Variants in ACER3 observed in about 807,000 individuals in gnomAD.
ACER3 encodes the protein alkCDase 3.
ACER3 carries 16 observed loss-of-function variants against 48.9 expected under a neutral mutation model. The ratio of observed to expected loss-of-function variants is 0.33; its 90% CI spans 0.22 to 0.50. The LOEUF is 0.50. Ranked by LOEUF, ACER3 falls within the 20% of genes least tolerant of loss-of-function variation. ACER3 has a pLI of 0.98. For missense variants in ACER3, 227 were observed against 326.0 expected, an observed-to-expected ratio of 0.70 and a Z score of 2.34; for synonymous variants, 109 against 107.8, an observed-to-expected ratio of 1.01 and a Z score of -0.07.
chr11:76,937,951 G>A (rs1411977322), intron 2 of ACER3, among the ~76,000 whole-genome samples: 1 of 152,156 alleles, frequency 6.6e-6, no homozygotes, highest in African/African-American at 2.4e-5. Context: ...AGTGGTATGG[G>A]TATAGCAATT....
At chr11:76,938,803 C>T (rs935085175) in intron 2 of ACER3, among the ~76,000 whole-genome samples, 8 of 152,048 alleles carry the variant, frequency 5.3e-5, no homozygotes, top group African/African-American at 1.4e-4. Flanking sequence ...GGAGCAATGA[C>T]GGCTTAGTAG....
intron 6 of ACER3, among the ~76,000 whole-genome samples, chr11:76,997,481 A>G (rs3781697): frequency 0.71 from 108,081 of 152,012 alleles, 38,816 homozygotes; most frequent in Non-Finnish European, 0.77. Context: ...TGGCACTGAG[A>G]CCCTAATAAG....
At chr11:77,003,948 A>G (rs1360583236) in intron 7 of ACER3, among the ~76,000 whole-genome samples, 2 of 152,178 alleles carry the variant, frequency 1.3e-5, no homozygotes, top group South Asian at 2.1e-4. Flanking sequence ...TGAGGTTTGT[A>G]TTATGGATCA....
At chr11:77,001,431 T>A (rs1450761712) in intron 7 of ACER3, among the ~76,000 whole-genome samples, 4 of 152,124 alleles carry the variant, frequency 2.6e-5, no homozygotes, top group Non-Finnish European at 5.9e-5. Context: ...AATTTTTCTG[T>A]ATTTTTAGTA....
At chr11:76,879,589 G>A (rs1253340975) in intron 1 of ACER3, among the ~76,000 whole-genome samples, 1 of 152,162 alleles carries the variant, frequency 6.6e-6, no homozygotes, top group African/African-American at 2.4e-5. Flanking sequence ...CAGATATCCT[G>A]TATTTGATTG....
At chr11:76,967,185 T>C (rs11237041) in intron 3 of ACER3, among the ~76,000 whole-genome samples, 86,730 of 151,914 alleles carry the variant, frequency 0.57, 27,949 homozygotes, top group Non-Finnish European at 0.74. Context: ...AACACCTCTA[T>C]GCCAATAAAC....
At chr11:76,910,444 G>A (rs951958762) in intron 1 of ACER3, among the ~76,000 whole-genome samples, 1 of 151,996 alleles carries the variant, frequency 6.6e-6, no homozygotes, top group Admixed American at 6.6e-5. Flanking sequence ...GAATAAAGGT[G>A]TTTTATCTCA....
intron 4 of ACER3, among the ~76,000 whole-genome samples, chr11:76,979,624 G>T (rs1428256540): frequency 6.6e-6 from 1 of 151,990 alleles, no homozygotes; most frequent in Non-Finnish European, 1.5e-5. Flanking sequence ...CTACACTCCA[G>T]CCTGGGTGAC....
chr11:76,926,675 T>C lies in ACER3; in HGVS notation c.214+8T>C. 1 of 1,515,326 alleles carries C rather than the reference T, an allele frequency of 6.6e-7. No homozygotes were observed. Among genetic ancestry groups the C allele is most frequent in the African/African-American group, 1.4e-5 (1 of 73,788 alleles). The allele number at this position is 1,515,326 out of a possible 1,614,324, so 93.9% of individuals were successfully genotyped here. A position where few individuals can be genotyped will look rare whatever the true frequency, so the allele number is the denominator to read the frequency against. ...CTTATTTAGCACTCACAGGTATGTA[T>C]AACACTGTATCTGAAGAAATGTACA... is the stretch of plus-strand genomic sequence containing the variant. On this transcript the variant is annotated splice_region_variant and intron_variant, in intron 2 of 10. Coordinates refer to ENST00000532485, the MANE Select transcript of ACER3 (RefSeq NM_018367.7).
chr11:76,917,659 C>A (rs1946568864), intron 1 of ACER3, among the ~76,000 whole-genome samples: 1 of 151,996 alleles, frequency 6.6e-6, no homozygotes, highest in Admixed American at 6.6e-5. Context: ...TAGTTCAAGA[C>A]CAGCATGAAC....
chr11:76,976,244 T>C, intron 3 of ACER3, 45 bp from the exon 4 acceptor site: 1 of 1,373,548 alleles, frequency 7.3e-7, no homozygotes, highest in Non-Finnish European at 1.0e-6. Context: ...TAATAATTGC[T>C]GCTCCATGAT....
rs1482949831 is a variant in ACER3, at chr11:77,023,490, A to G, written c.*3163A>G. 6 of 286,378 alleles carry G rather than the reference A, an allele frequency of 2.1e-5. No homozygotes were observed. The highest frequency in any genetic ancestry group is 3.9e-5 in the Non-Finnish European group (6 of 155,792). 17.7% of individuals were successfully genotyped at this position (286,378 alleles called of 1,614,324 possible). A position where few individuals can be genotyped will look rare whatever the true frequency, so the allele number is the denominator to read the frequency against. On this transcript the variant is annotated 3_prime_UTR_variant, in exon 11 of 11. Coordinates refer to ENST00000532485, the MANE Select transcript of ACER3 (RefSeq NM_018367.7). ...AATTTAAGGTTATCTTATGAGTCCTATGAAAACAATTATTTGTTGCTAAAT... is the reference window on the plus strand; with the variant it reads ...AATTTAAGGTTATCTTATGAGTCCTGTGAAAACAATTATTTGTTGCTAAAT...
intron 3 of ACER3, among the ~76,000 whole-genome samples, chr11:76,973,705 C>G (rs1948366712): frequency 6.6e-6 from 1 of 152,038 alleles, no homozygotes; most frequent in Admixed American, 6.5e-5. Flanking sequence ...TTAGTAGTGT[C>G]CTTTGATGCA....
At chr11:76,932,143 T>C (rs561686069) in intron 2 of ACER3, among the ~76,000 whole-genome samples, 1 of 152,162 alleles carries the variant, frequency 6.6e-6, no homozygotes, top group Non-Finnish European at 1.5e-5. Context: ...AGAGACAGGA[T>C]TTCGCCATGT....
chr11:76,998,953 C>A, intron 7 of ACER3, 132 bp downstream of exon 7: 1 of 586,546 alleles, frequency 1.7e-6, no homozygotes, highest in South Asian at 4.0e-5. Context: ...TATAACCCAA[C>A]ATTTATTGTT....
intron 1 of ACER3, among the ~76,000 whole-genome samples, chr11:76,886,584 C>T (rs1945677391): frequency 6.6e-6 from 1 of 152,114 alleles, no homozygotes; most frequent in Non-Finnish European, 1.5e-5. Flanking sequence ...GGATTTTGAT[C>T]ATAGTGGGAG....
chr11:76,952,280 G>C (rs1374597971), intron 2 of ACER3, among the ~76,000 whole-genome samples: 2 of 142,250 alleles, frequency 1.4e-5, no homozygotes, highest in Non-Finnish European at 3.0e-5. Context: ...TTTTTTTTGA[G>C]ATGGAGTCTC....
chr11:76,947,582 A>G (rs1241756562), intron 2 of ACER3, among the ~76,000 whole-genome samples: 1 of 152,218 alleles, frequency 6.6e-6, no homozygotes, highest in Non-Finnish European at 1.5e-5. Context: ...CATCAAATCA[A>G]TGTGCCATGG....
At position 77,005,994 on chromosome 11, in the gene ACER3, T is replaced by TATATATATATACGTATATATATA. The variant is rs1272209642; in HGVS notation, c.497+7173_497+7174insATATATATATACGTATATATATA. 1.5e-4 allele frequency among the ~76,000 whole-genome samples: 12 copies of TATATATATATACGTATATATATA among 82,122 alleles called. 1 individual carries two copies. Among genetic ancestry groups the TATATATATATACGTATATATATA allele is most frequent in the East Asian group, 4.8e-4 (1 of 2,104 alleles). 53.9% of individuals were successfully genotyped at this position (82,122 alleles called of 152,430 possible). On this transcript the variant is annotated intron_variant, in intron 7 of 10. Transcript: ENST00000532485. ...ATACATATATATATATATATATATT[T>TATATATATATACGTATATATATA]TTTTTTTTTTTTGAGCCAGAGTTTC...
Sources: allele counts gnomAD v4.1 joint callset (sites outside exome capture counted in the v4.1 genomes callset), GRCh38; gene constraint gnomAD v4.1.1; transcripts MANE v1.5; gene names NCBI Gene and HGNC (gene_info 2026-07-23, HGNC 2026-07-21).